NRG1: variants seen among roughly 807,000 people sequenced by gnomAD.
The protein encoded by NRG1 is pro-neuregulin-1, membrane-bound isoform.
Under a neutral mutation model 63.8 loss-of-function variants are expected in NRG1, and 18 were observed. The ratio of observed to expected loss-of-function variants is 0.28; its 90% CI spans 0.19 to 0.42. The LOEUF is 0.42. Among genes scored for constraint, NRG1 ranks in the 10% least tolerant of loss-of-function variants. The pLI, the probability that NRG1 is intolerant of heterozygous loss-of-function variation, is 1.00. For synonymous variants in NRG1, 302 were observed against 301.3 expected (o/e 1.00, Z -0.02); for missense variants, 762 against 814.7 (o/e 0.94, Z 0.79).
At chr8:32,231,403 C>T (rs1195427969) in intron 1 of NRG1, among the ~76,000 whole-genome samples, 2 of 151,832 alleles carry the variant, frequency 1.3e-5, no homozygotes, top group Non-Finnish European at 2.9e-5. Context: ...GATCAAAGGG[C>T]ATATTATATT....
intron 1 of NRG1, among the ~76,000 whole-genome samples, chr8:32,186,083 C>T (rs779825571): frequency 5.9e-5 from 9 of 152,204 alleles, no homozygotes; most frequent in Non-Finnish European, 1.3e-4. Context: ...AAAGCTGTGA[C>T]AGAAAACCTC....
At chr8:32,089,987 TTAA>T (rs1479214834) in intron 1 of NRG1, among the ~76,000 whole-genome samples, 3 of 152,240 alleles carry the variant, frequency 2.0e-5, no homozygotes, top group Non-Finnish European at 2.9e-5. Context: ...TCCTTTATTA[TTAA>T]TTTTTTAGTG....
chr8:32,032,153 A>G (rs1340040225), intron 1 of NRG1, among the ~76,000 whole-genome samples: 1 of 152,164 alleles, frequency 6.6e-6, no homozygotes, highest in Non-Finnish European at 1.5e-5. Flanking sequence ...TCTAATTGGC[A>G]TGAGATAGTA....
intron 1 of NRG1, among the ~76,000 whole-genome samples, chr8:32,509,256 C>A (rs1408407555): frequency 1.3e-5 from 2 of 151,722 alleles, no homozygotes; most frequent in Non-Finnish European, 2.9e-5. Flanking sequence ...TCACACCCAG[C>A]TAATTTTTGT....
intron 1 of NRG1, among the ~76,000 whole-genome samples, chr8:32,120,623 GT>G (rs895720646): frequency 2.0e-5 from 3 of 152,002 alleles, no homozygotes; most frequent in African/African-American, 4.8e-5. Flanking sequence ...CTAGAAAGAA[GT>G]TTTTTTTATT....
rs114207389 is a variant in NRG1, at chr8:32,240,204, G to A, written c.38-355624G>A. ...ACAAACTGTAGCACAGCTATACTAT[G>A]ACATACTATGAAGCAATAAAAAAGG... is the stretch of plus-strand genomic sequence containing the variant. On this transcript the variant is annotated intron_variant, in intron 1 of 10. Transcript: ENST00000519301. Among the ~76,000 whole-genome samples the A allele has an allele frequency of 2.5e-3, 379 of 152,196 alleles. 2 individuals are homozygous for A. Among genetic ancestry groups the A allele is most frequent in the African/African-American group, 8.8e-3 (365 of 41,522 alleles).
intron 1 of NRG1, among the ~76,000 whole-genome samples, chr8:31,760,355 G>A (rs540838859): frequency 2.0e-5 from 3 of 152,274 alleles, no homozygotes; most frequent in African/African-American, 7.2e-5. Flanking sequence ...AGATCAGATA[G>A]TTGTAGATAT....
At chr8:32,074,739 T>C (rs1312074473) in intron 1 of NRG1, among the ~76,000 whole-genome samples, 1 of 152,210 alleles carries the variant, frequency 6.6e-6, no homozygotes, top group African/African-American at 2.4e-5. Context: ...AATAGCAATG[T>C]GAAAAGAGGA....
At chr8:31,661,237 C>A (rs918470522) in intron 1 of NRG1, among the ~76,000 whole-genome samples, 2 of 152,112 alleles carry the variant, frequency 1.3e-5, no homozygotes, top group African/African-American at 4.8e-5. Flanking sequence ...GCTCCCAGAC[C>A]TTTCTTAGCA....
intron 1 of NRG1, among the ~76,000 whole-genome samples, chr8:31,962,112 A>T (rs1805560278): frequency 6.6e-6 from 1 of 152,192 alleles, no homozygotes; most frequent in East Asian, 1.9e-4. Context: ...ACTATCAGGA[A>T]ATAAGTGGTT....
chr8:32,257,942 A>G (rs1430658606), intron 1 of NRG1, among the ~76,000 whole-genome samples: 1 of 152,228 alleles, frequency 6.6e-6, no homozygotes, highest in African/African-American at 2.4e-5. Flanking sequence ...TGTGTTAAGT[A>G]TAACCATATT....
intron 1 of NRG1, among the ~76,000 whole-genome samples, chr8:32,459,527 T>A (rs1822046010): frequency 6.6e-6 from 1 of 151,516 alleles, no homozygotes. Flanking sequence ...TCCCAGCTAC[T>A]CCAGGAGGCT....
chr8:31,810,680 T>C (rs1822798634), intron 1 of NRG1, among the ~76,000 whole-genome samples: 1 of 152,210 alleles, frequency 6.6e-6, no homozygotes, highest in South Asian at 2.1e-4. Flanking sequence ...TGTCCCTCTT[T>C]ATCCCTTTTC....
At chr8:32,411,434 C>T (rs888877398) in intron 1 of NRG1, among the ~76,000 whole-genome samples, 1 of 152,156 alleles carries the variant, frequency 6.6e-6, no homozygotes, top group Non-Finnish European at 1.5e-5. Context: ...TTAGGAGTGT[C>T]TACAGTTTCC....
intron 1 of NRG1, among the ~76,000 whole-genome samples, chr8:32,415,119 G>A (rs1035092991): frequency 6.9e-4 from 105 of 152,034 alleles, no homozygotes; most frequent in African/African-American, 2.4e-3. Flanking sequence ...TCTATAGAAG[G>A]CAGGTTTCAC....
intron 1 of NRG1, among the ~76,000 whole-genome samples, chr8:32,474,677 G>GTT (rs1014657813): frequency 6.6e-6 from 1 of 151,288 alleles, no homozygotes; most frequent in African/African-American, 2.4e-5. Context: ...GTGTGTGTGT[G>GTT]TTTTTTTTAG....
At chr8:31,801,136 C>T (rs1011942208) in intron 1 of NRG1, among the ~76,000 whole-genome samples, 35 of 151,978 alleles carry the variant, frequency 2.3e-4, no homozygotes, top group Admixed American at 2.2e-3. Context: ...TGTGAGCCAC[C>T]GTTCCCGGCC....
At chr8:32,088,770 G>T (rs747696907) in intron 1 of NRG1, among the ~76,000 whole-genome samples, 9 of 151,898 alleles carry the variant, frequency 5.9e-5, no homozygotes, top group Admixed American at 3.3e-4. Flanking sequence ...CTCCTGCCTC[G>T]GCGTCCAAAA....
In NRG1 at chr8:32,505,560, A is replaced by G. The variant is rs79177740; in HGVS notation, c.38-90268A>G. 6.5e-3 allele frequency among the ~76,000 whole-genome samples: 991 copies of G among 152,330 alleles called. 11 individuals are homozygous for G. The highest frequency in any genetic ancestry group is 0.044 in the Middle Eastern group (13 of 294). On this transcript the variant is annotated intron_variant, in intron 1 of 10. Transcript: ENST00000519301. ...ACCGGGGACCAAGAGTTGTCCCCAG[A>G]GAGGGTGCAGAAGACTCTGCCCTCA... is the stretch of plus-strand genomic sequence containing the variant.
Sources: allele counts gnomAD v4.1 joint callset (sites outside exome capture counted in the v4.1 genomes callset), GRCh38; gene constraint gnomAD v4.1.1; transcripts MANE v1.5; gene names NCBI Gene and HGNC (gene_info 2026-07-23, HGNC 2026-07-21).